Variants in FSCN3 observed in about 807,000 individuals in gnomAD.
The protein encoded by FSCN3 is fascin actin-bundling protein 3, also known as fascin-3.
A neutral mutation model predicts 53.5 loss-of-function variants in FSCN3; 43 were observed. The observed-to-expected ratio is 0.80, with a 90% CI of 0.63 to 1.04. FSCN3 has a LOEUF of 1.04. FSCN3 is among the 50% of genes least tolerant of loss of function. The pLI is 0.00. For synonymous variants in FSCN3, 235 were observed against 246.6 expected (o/e 0.95, Z 0.44); for missense variants, 594 against 646.5 (o/e 0.92, Z 0.88).
chr7:127,595,083 T>A, intron 1 of FSCN3: 1 of 598,484 alleles, frequency 1.7e-6, no homozygotes, highest in Non-Finnish European at 3.0e-6. Context: ...CTTTGGATAG[T>A]GCCATCTGGC....
At chr7:127,600,149 A>T in intron 5 of FSCN3, 45 bp from the exon 6 acceptor site, 1 of 1,032,832 alleles carries the variant, frequency 9.7e-7, no homozygotes, top group South Asian at 1.3e-5. Flanking sequence ...TCGCTGGAGG[A>T]CTCCCCTGTG....
intron 5 of FSCN3, 85 bp from the exon 6 acceptor site, chr7:127,600,109 A>G (rs1794450885): frequency 2.6e-6 from 2 of 757,356 alleles, no homozygotes; most frequent in East Asian, 2.5e-5. Flanking sequence ...GGAGGGTGGC[A>G]TGCCTCCACA....
intron 4 of FSCN3, among the ~76,000 whole-genome samples, chr7:127,599,156 T>C (rs1301568933): frequency 6.6e-6 from 1 of 152,018 alleles, no homozygotes; most frequent in Admixed American, 6.5e-5. Flanking sequence ...CATCAACACA[T>C]CTCAAAGGAA....
At chr7:127,594,599 C>G (rs1169712681) in intron 1 of FSCN3, 10 of 470,946 alleles carry the variant, frequency 2.1e-5, no homozygotes, top group South Asian at 1.4e-4. Flanking sequence ...TTGTGGGCAT[C>G]CAGGGGAAGT....
rs1342980385 is a variant in FSCN3, at chr7:127,600,235, T to C, written c.1333T>C (p.Phe445Leu). Residue 445 changes from phenylalanine (F) to leucine (L), a missense_variant, in exon 6 of 7, where the codon TTT (phenylalanine) becomes CTT (leucine). Physicochemically the swap from Phe to Leu is conservative, Grantham distance 22. Coordinates refer to ENST00000265825, the MANE Select transcript of FSCN3 (RefSeq NM_020369.3). ...SFWSITSFGT[F>L]RPWGKFALNF... is the part of the protein sequence containing the mutation. ...CTGGTCAATAACATCCTTTGGCACC[T>C]TTCGCCCTTGGGGCAAGTTTGCCCT... 1.1e-5 allele frequency: 18 copies of C among 1,610,830 alleles called. No individual in the cohort carries two copies. The highest frequency in any genetic ancestry group is 4.5e-5 in the East Asian group (2 of 44,860).
intron 6 of FSCN3, among the ~76,000 whole-genome samples, chr7:127,601,295 G>A (rs1165380723): frequency 5.3e-5 from 8 of 152,080 alleles, no homozygotes; most frequent in Admixed American, 2.0e-4. Context: ...CTTTTATAAC[G>A]TGGCGCTTCC....
rs146985263 is a variant in FSCN3, at chr7:127,595,876, G to A, written c.714G>A (p.Gln238=). 1.5e-4 allele frequency: 250 copies of A among 1,613,794 alleles called. 2 individuals are homozygous for A. In the African/African-American group the frequency reaches 2.9e-3, roughly 19 times the overall value. Residue 238 remains glutamine, a synonymous_variant, in exon 2 of 7, where the codon CAG becomes CAA. Coordinates refer to ENST00000265825, the MANE Select transcript of FSCN3 (RefSeq NM_020369.3). The stretch of plus-strand genomic sequence containing the variant: ...GAGAAGGAGGCATGTTATATCCACA[G>A]GGCACGCATCTGCTCTTGGGCATGG... ...CDGEGGMLYP[Q]GTHLLLGMGC... is the part of the protein sequence containing the mutation.
chr7:127,597,518 G>C (rs1587541496), intron 3 of FSCN3, among the ~76,000 whole-genome samples: 1 of 144,742 alleles, frequency 6.9e-6, no homozygotes, highest in Non-Finnish European at 1.5e-5. Flanking sequence ...TTGCTCTGTT[G>C]CCTGGGCTGG....
intron 6 of FSCN3, 69 bp downstream of exon 6, chr7:127,600,468 G>A: frequency 2.1e-6 from 2 of 944,510 alleles, no homozygotes; most frequent in Admixed American, 1.9e-5. Flanking sequence ...AGGGAGGTGG[G>A]TGGGGAGGCA....
At chr7:127,594,079 C>CGTGAGTGTATGTGTGTGTGT in intron 1 of FSCN3, 82 bp downstream of exon 1, 2 of 1,435,590 alleles carry the variant, frequency 1.4e-6, no homozygotes, top group South Asian at 2.5e-5. Flanking sequence ...CGTGTGTGTG[C>CGTGAGTGTATGTGTGTGTGT]GTGAGTGTAT....
Position 127,602,110 on chromosome 7 carries a change from C to T in FSCN3, c.*488C>T, listed in dbSNP as rs1286827586. Reference sequence around the variant, plus strand: ...CTTATGCCTGTATAGGCCACTTTACCTCCTCCTACCACGATTTATTTAACT... The same window carrying T: ...CTTATGCCTGTATAGGCCACTTTACTTCCTCCTACCACGATTTATTTAACT... On this transcript the variant is annotated 3_prime_UTR_variant, in exon 7 of 7. Coordinates refer to ENST00000265825, the MANE Select transcript of FSCN3 (RefSeq NM_020369.3). 3 of 151,984 alleles carry T rather than the reference C, an allele frequency of 2.0e-5. No homozygotes were observed. Among genetic ancestry groups the T allele is most frequent in the African/African-American group, 7.3e-5 (3 of 41,364 alleles). The allele number at this position is 151,984 out of a possible 1,614,324, so 9.4% of individuals were successfully genotyped here.
chr7:127,597,009 A>G (rs1794399994), intron 3 of FSCN3, among the ~76,000 whole-genome samples: 1 of 152,264 alleles, frequency 6.6e-6, no homozygotes. Flanking sequence ...GCTTGGCACA[A>G]TGTTTTTAAG....
chr7:127,594,877 T>C (rs985300886), intron 1 of FSCN3: 4 of 474,022 alleles, frequency 8.4e-6, no homozygotes, highest in African/African-American at 6.0e-5. Flanking sequence ...TTTGCTTCTG[T>C]CTTGCCATGC....
rs986864565 is a variant in FSCN3 at position 127,594,069 on chromosome 7, CGTGT to C, written c.144+78_144+81del. 99 of 1,437,046 alleles carry C rather than the reference CGTGT, an allele frequency of 6.9e-5. 1 individual carries two copies. Among genetic ancestry groups the C allele is most frequent in the Non-Finnish European group, 8.9e-5 (94 of 1,057,380 alleles). The allele number at this position is 1,437,046 out of a possible 1,614,324, so 89.0% of individuals were successfully genotyped here. A position where few individuals can be genotyped will look rare whatever the true frequency, so the allele number is the denominator to read the frequency against. On this transcript the variant is annotated intron_variant, in intron 1 of 6. Transcript: ENST00000265825. The stretch of plus-strand genomic sequence containing the variant: ...CTGTGTGTGTGTGTGTGCGCGCGCG[CGTGT>C]GTGTGCGTGAGTGTATGTGTGTGTG...
intron 6 of FSCN3, among the ~76,000 whole-genome samples, chr7:127,601,114 T>G (rs1304032374): frequency 2.0e-5 from 3 of 152,196 alleles, no homozygotes; most frequent in African/African-American, 7.2e-5. Context: ...CTTGGCTACT[T>G]CTTTAACAAT....
At chr7:127,601,232 A>T (rs1396162064) in intron 6 of FSCN3, among the ~76,000 whole-genome samples, 3 of 152,230 alleles carry the variant, frequency 2.0e-5, no homozygotes. Context: ...TCCTGCTGCC[A>T]GATCTGTCCA....
At position 127,601,767 on chromosome 7, in the gene FSCN3, G is replaced by A. The variant is rs1440185619; in HGVS notation, c.*145G>A. Reference sequence around the variant, plus strand: ...CAGTTTAGCAAAACACCTGTTTTATGCAACAATACATCACAACAGGCCACC... The same window carrying A: ...CAGTTTAGCAAAACACCTGTTTTATACAACAATACATCACAACAGGCCACC... On this transcript the variant is annotated 3_prime_UTR_variant, in exon 7 of 7. Transcript: ENST00000265825. The A allele has an allele frequency of 1.3e-5, 2 of 152,168 alleles. No homozygotes were observed. The highest frequency in any genetic ancestry group is 2.4e-5 in the African/African-American group (1 of 41,424). 9.4% of individuals were successfully genotyped at this position (152,168 alleles called of 1,614,324 possible).
intron 6 of FSCN3, 96 bp downstream of exon 6, chr7:127,600,495 A>G (rs1036554947): frequency 5.7e-6 from 4 of 698,370 alleles, no homozygotes; most frequent in African/African-American, 3.5e-5. Flanking sequence ...GGGAAGACCA[A>G]AATGCACTCC....
rs1562956562 is a variant in FSCN3, at chr7:127,598,555, GCA to G, written c.1083_1084del (p.Pro362GlnfsTer15). ...CTGCAGGGGGCGCTTCCTGGGCATT[GCA>G]CCCAACAGCCTGCTGATGGCCAATG... ...QSCRGRFLGIAPNSLLMANVI... is the reference protein window; with the variant it reads ...QSCRGRFLGIXPNSLLMANVI... On this transcript the variant is annotated frameshift_variant, in exon 4 of 7. Transcript: ENST00000265825. LOFTEE classifies it high-confidence loss of function. 6.2e-7 allele frequency: 1 copy of G among 1,613,076 alleles called. No homozygotes were observed. Among genetic ancestry groups the G allele is most frequent in the Admixed American group, 1.7e-5 (1 of 59,920 alleles).
Sources: allele counts gnomAD v4.1 joint callset (sites outside exome capture counted in the v4.1 genomes callset), GRCh38; gene constraint gnomAD v4.1.1; transcripts MANE v1.5; gene names NCBI Gene and HGNC (gene_info 2026-07-23, HGNC 2026-07-21).